Variants in BST2 observed in about 807,000 individuals in gnomAD.
The protein encoded by BST2 is bone marrow stromal cell antigen 2.
A neutral mutation model predicts 18.6 loss-of-function variants in BST2; 10 were observed. The observed-to-expected ratio is 0.54, with a 90% CI of 0.33 to 0.91. The LOEUF is 0.91. Ranked by LOEUF, BST2 falls within the 40% of genes least tolerant of loss-of-function variation. The probability of loss-of-function intolerance (pLI) is 0.02; values close to 1 mark genes in which losing one functional copy is unlikely to be tolerated. For synonymous variants in BST2, 75 were observed against 96.8 expected (o/e 0.77, Z 1.32); for missense variants, 183 against 228.4 (o/e 0.80, Z 1.28).
At position 17,404,199 on chromosome 19, in the gene BST2, T is replaced by C. The variant is rs1394517276; in HGVS notation, c.353-10A>G. The C allele has an allele frequency of 3.7e-6, 6 of 1,601,934 alleles. No homozygotes were observed. The highest frequency in any genetic ancestry group is 5.1e-6 in the Non-Finnish European group (6 of 1,173,930). On this transcript the variant is annotated splice_polypyrimidine_tract_variant and intron_variant, in intron 2 of 4. Coordinates refer to ENST00000252593, the MANE Select transcript of BST2 (RefSeq NM_004335.4). ...AATGTAGTGATCTCTCCTGGTAGGG[T>C]GGGAGGACAGAAACAGGGGGCGGGT...
rs919265 is a variant in BST2 at position 17,403,631 on chromosome 19, G to A, written c.*15+49C>T. Reference sequence around the variant, plus strand: ...TTCGGAGCCTCTGCTTCCCCGCCCCGCTTCCCCAGCTTTCTTCTCCCTCCC... The same window carrying A: ...TTCGGAGCCTCTGCTTCCCCGCCCCACTTCCCCAGCTTTCTTCTCCCTCCC... On this transcript the variant is annotated intron_variant, in intron 4 of 4. Transcript: ENST00000252593. 9 of 1,558,828 alleles carry A rather than the reference G, an allele frequency of 5.8e-6. 1 individual carries two copies. The highest frequency in any genetic ancestry group is 1.1e-5 in the South Asian group (1 of 88,306).
intron 2 of BST2, 58 bp downstream of exon 2, chr19:17,404,313 C>T: frequency 6.7e-7 from 1 of 1,502,004 alleles, no homozygotes; most frequent in Non-Finnish European, 9.3e-7. Context: ...CCTGCCCCCA[C>T]CCCCTCTTCC....
At chr19:17,405,044 G>A (rs963494351) in intron 1 of BST2, among the ~76,000 whole-genome samples, 8 of 152,188 alleles carry the variant, frequency 5.3e-5, no homozygotes, top group Non-Finnish European at 7.4e-5. Context: ...GGGGGATACT[G>A]AGGTCCCCGA....
chr19:17,403,556 C>G (rs1328826562), intron 4 of BST2, 124 bp downstream of exon 4: 25 of 1,286,744 alleles, frequency 1.9e-5, no homozygotes, highest in Non-Finnish European at 2.4e-5. Context: ...TTCCCCAAGG[C>G]CCCTCACCTC....
intron 4 of BST2, 35 bp downstream of exon 4, chr19:17,403,645 C>T: frequency 2.6e-6 from 4 of 1,563,492 alleles, no homozygotes; most frequent in Middle Eastern, 2.0e-4. Flanking sequence ...CCCCAGCTTT[C>T]TTCTCCCTCC....
chr19:17,403,896 C>T (rs1274363171), intron 3 of BST2, 72 bp from the exon 4 acceptor site: 3 of 1,553,424 alleles, frequency 1.9e-6, no homozygotes, highest in Non-Finnish European at 2.6e-6. Context: ...GCCCACCGCC[C>T]CCGGGAGTTC....
intron 3 of BST2, 120 bp from the exon 4 acceptor site, chr19:17,403,944 A>C (rs2074710900): frequency 1.4e-6 from 2 of 1,418,086 alleles, no homozygotes; most frequent in African/African-American, 1.4e-5. Context: ...CGGGGAGGGA[A>C]TGGACAGCGG....
Position 17,405,576 on chromosome 19 carries a change from C to T in BST2, c.-1G>A. On this transcript the variant is annotated 5_prime_UTR_variant, in exon 1 of 5. Coordinates refer to ENST00000252593, the MANE Select transcript of BST2 (RefSeq NM_004335.4). ...AATAGTCATACGAAGTAGATGCCAT[C>T]CAGATCTCCCCTTTAGAGTCTGGCC... 1 of 1,517,370 alleles carries T rather than the reference C, an allele frequency of 6.6e-7. No homozygotes were observed. The highest frequency in any genetic ancestry group is 8.8e-7 in the Non-Finnish European group (1 of 1,136,210). The allele number at this position is 1,517,370 out of a possible 1,614,324, so 94.0% of individuals were successfully genotyped here.
rs1227244140 is a variant in BST2, at chr19:17,405,607, T to G, written c.-32A>C. ...CTCCCCTTTAGAGTCTGGCCTGGAG[T>G]TAGGGGAGGGTGCTGGAATCTTCTA... is the stretch of plus-strand genomic sequence containing the variant. On this transcript the variant is annotated 5_prime_UTR_variant, in exon 1 of 5. Coordinates refer to ENST00000252593, the MANE Select transcript of BST2 (RefSeq NM_004335.4). 5.0e-6 allele frequency: 5 copies of G among 997,920 alleles called. No individual in the cohort carries two copies. The highest frequency in any genetic ancestry group is 7.3e-6 in the Non-Finnish European group (5 of 683,188). 61.8% of individuals were successfully genotyped at this position (997,920 alleles called of 1,614,324 possible).
chr19:17,405,453 C>T lies in BST2; in HGVS notation c.123G>A (p.Leu41=), dbSNP rs1599595165. 5 of 1,614,210 alleles carry T rather than the reference C, an allele frequency of 3.1e-6. No homozygotes were observed. In the East Asian group the frequency reaches 1.1e-4, roughly 36 times the overall value. Residue 41 remains leucine, a synonymous_variant, in exon 1 of 5, where the codon TTG becomes TTA. Transcript: ENST00000252593. Reference sequence around the variant, plus strand: ...TGTTGGCCTTGATGGTGAAGATAATCAAGGGCACCCCCAGAATCACGATGA... The same window carrying T: ...TGTTGGCCTTGATGGTGAAGATAATTAAGGGCACCCCCAGAATCACGATGA... The part of the protein sequence containing the change: ...LLIIVILGVP[L]IIFTIKANSE...
chr19:17,403,551 C>G (rs2074708257), intron 4 of BST2, 129 bp downstream of exon 4: 2 of 1,313,776 alleles, frequency 1.5e-6, no homozygotes, highest in African/African-American at 3.0e-5. Context: ...CCTCCTTCCC[C>G]AAGGCCCCTC....
chr19:17,403,382 G>C, intron 4 of BST2, 56 bp from the exon 5 acceptor site: 1 of 1,113,382 alleles, frequency 9.0e-7, no homozygotes, highest in Non-Finnish European at 1.1e-6. Flanking sequence ...CACTGGCCCC[G>C]CTCCAAGCCC....
intron 3 of BST2, 108 bp downstream of exon 3, chr19:17,404,021 G>C (rs907990190): frequency 7.2e-7 from 1 of 1,387,884 alleles, no homozygotes; most frequent in Non-Finnish European, 9.9e-7. Context: ...TTATCCCTTG[G>C]GGCAATGGGG....
chr19:17,402,958 A>G lies in BST2; in HGVS notation c.*384T>C. ...CGAGAGTCAGGTGTGCTCTCCCTCA[A>G]AGGAAGTGTTTATTTTTTGGAGCTC... On this transcript the variant is annotated 3_prime_UTR_variant, in exon 5 of 5. Coordinates refer to ENST00000252593, the MANE Select transcript of BST2 (RefSeq NM_004335.4). 1.0e-6 allele frequency: 1 copy of G among 985,234 alleles called. No individual in the cohort carries two copies. Among genetic ancestry groups the G allele is most frequent in the Non-Finnish European group, 1.2e-6 (1 of 829,934 alleles). 61.0% of individuals were successfully genotyped at this position (985,234 alleles called of 1,614,324 possible). A position where few individuals can be genotyped will look rare whatever the true frequency, so the allele number is the denominator to read the frequency against.
intron 3 of BST2, 81 bp from the exon 4 acceptor site, chr19:17,403,905 TC>T: frequency 6.5e-7 from 1 of 1,535,360 alleles, no homozygotes; most frequent in Non-Finnish European, 8.8e-7. Flanking sequence ...CCCCGGGAGT[TC>T]CCCCCGCACC....
chr19:17,403,849 C>CATCT, intron 3 of BST2, 25 bp from the exon 4 acceptor site: 1 of 1,604,904 alleles, frequency 6.2e-7, no homozygotes, highest in Non-Finnish European at 8.5e-7. Context: ...GCAAATCAGG[C>CATCT]ATCTGCTCGT....
intron 4 of BST2, 116 bp downstream of exon 4, chr19:17,403,564 C>G (rs2074708295): frequency 1.4e-6 from 2 of 1,399,582 alleles, no homozygotes; most frequent in South Asian, 2.9e-5. Context: ...GGCCCCTCAC[C>G]TCTGCGCCCA....
intron 4 of BST2, 108 bp from the exon 5 acceptor site, chr19:17,403,434 T>G: frequency 2.1e-6 from 1 of 470,114 alleles, no homozygotes; most frequent in South Asian, 1.1e-4. Context: ...GCCCCACCCA[T>G]CCATAAGCCC....
chr19:17,403,850 ATC>A (rs769357805), intron 3 of BST2, 26 bp from the exon 4 acceptor site: 31 of 1,604,832 alleles, frequency 1.9e-5, no homozygotes, highest in African/African-American at 2.7e-5. Context: ...CAAATCAGGC[ATC>A]TGCTCGTCCT....
Sources: gnomAD v4.1 joint callset for allele counts (sites outside exome capture counted in the v4.1 genomes callset) on GRCh38, gnomAD v4.1.1 for gene constraint, MANE v1.5 for transcripts, NCBI Gene and HGNC (gene_info 2026-07-23, HGNC 2026-07-21) for gene names.